The following CARNMT1 variants were observed in gnomAD, a reference collection of about 807,000 sequenced individuals.
CARNMT1 encodes the protein carnosine N-methyltransferase 1.
In CARNMT1, 28 loss-of-function variants were observed where a neutral mutation model predicts 49.6. The ratio of observed to expected loss-of-function variants is 0.56; its 90% CI spans 0.42 to 0.77. The LOEUF is 0.77. Among genes scored for constraint, CARNMT1 ranks in the 30% least tolerant of loss-of-function variants. CARNMT1 has a pLI of 0.00. For missense variants in CARNMT1, 421 were observed against 512.6 expected (o/e 0.82, Z 1.73); for synonymous variants, 178 against 175.0 (o/e 1.02, Z -0.13).
chr9:75,002,853 G>A (rs1418601210), intron 3 of CARNMT1, among the ~76,000 whole-genome samples: 1 of 152,098 alleles, frequency 6.6e-6, no homozygotes, highest in African/African-American at 2.4e-5. Flanking sequence ...CGATCCTCCT[G>A]CCTCAGCCTC....
At chr9:75,005,873 C>CAA (rs1554756709) in intron 3 of CARNMT1, among the ~76,000 whole-genome samples, 1 of 132,330 alleles carries the variant, frequency 7.6e-6, no homozygotes, top group South Asian at 2.4e-4. Context: ...CACACACACA[C>CAA]AATAAAAGGC....
intron 2 of CARNMT1, 59 bp downstream of exon 2, chr9:75,017,194 A>C: frequency 7.8e-7 from 1 of 1,290,114 alleles, no homozygotes; most frequent in Non-Finnish European, 1.1e-6. Context: ...AAAATAAAAG[A>C]CCTCAAAATA....
At chr9:75,007,851 A>G (rs1481238752) in intron 3 of CARNMT1, among the ~76,000 whole-genome samples, 1 of 152,056 alleles carries the variant, frequency 6.6e-6, no homozygotes, top group Non-Finnish European at 1.5e-5. Context: ...CTAAGAACAG[A>G]AACAAGGAAA....
intron 3 of CARNMT1, among the ~76,000 whole-genome samples, chr9:75,004,710 A>G (rs964756520): frequency 9.9e-5 from 15 of 152,228 alleles, no homozygotes; most frequent in African/African-American, 2.9e-4. Context: ...GCTTCGTTAA[A>G]GCTCAGAGTA....
At chr9:75,018,954 G>C (rs1031498820) in intron 1 of CARNMT1, among the ~76,000 whole-genome samples, 2 of 140,058 alleles carry the variant, frequency 1.4e-5, no homozygotes, top group African/African-American at 5.4e-5. Context: ...GCGACAGAGT[G>C]AGACTCCATC....
At chr9:75,011,852 A>G (rs936702446) in intron 3 of CARNMT1, among the ~76,000 whole-genome samples, 1 of 152,176 alleles carries the variant, frequency 6.6e-6, no homozygotes, top group African/African-American at 2.4e-5. Context: ...GCCACAGTGA[A>G]AACAATTCTG....
chr9:75,020,267 C>CTTTTT (rs200444980), intron 1 of CARNMT1, among the ~76,000 whole-genome samples: 1 of 124,296 alleles, frequency 8.0e-6, no homozygotes. Flanking sequence ...CATTTTTCTT[C>CTTTTT]TTTTTTTTTT....
At chr9:75,004,135 A>G (rs894951143) in intron 3 of CARNMT1, among the ~76,000 whole-genome samples, 1 of 152,346 alleles carries the variant, frequency 6.6e-6, no homozygotes, top group Non-Finnish European at 1.5e-5. Flanking sequence ...TCAGCCTCCC[A>G]AAGTGTTGGG....
At chr9:75,024,643 T>C (rs185454040) in intron 1 of CARNMT1, among the ~76,000 whole-genome samples, 1 of 152,326 alleles carries the variant, frequency 6.6e-6, no homozygotes, top group East Asian at 1.9e-4. Flanking sequence ...ATCACAAAAT[T>C]GAAACCCATT....
chr9:74,984,869 G>T, intron 7 of CARNMT1, 38 bp downstream of exon 7: 1 of 1,325,238 alleles, frequency 7.5e-7, no homozygotes, highest in Non-Finnish European at 1.1e-6. Flanking sequence ...GAGGTGCTTT[G>T]GGAGTTAAAC....
intron 3 of CARNMT1, among the ~76,000 whole-genome samples, chr9:75,007,530 A>G (rs1833545936): frequency 6.6e-6 from 1 of 152,020 alleles, no homozygotes; most frequent in South Asian, 2.1e-4. Flanking sequence ...AGAGTTTGAG[A>G]TCAGCCTGAC....
Position 74,983,222 on chromosome 9 carries a change from G to A in CARNMT1, c.*545C>T, listed in dbSNP as rs1832731475. 1 of 151,056 alleles carries A rather than the reference G, an allele frequency of 6.6e-6. No individual in the cohort carries two copies. The highest frequency in any genetic ancestry group is 2.1e-4 in the South Asian group (1 of 4,748). 9.4% of individuals were successfully genotyped at this position (151,056 alleles called of 1,614,324 possible). On this transcript the variant is annotated 3_prime_UTR_variant, in exon 8 of 8. Coordinates refer to ENST00000376834, the MANE Select transcript of CARNMT1 (RefSeq NM_152420.3). ...TGATCGTGCCACTGCACTCCGGCCTGGGAGACAGAGCGGGATCCTGTCTCT... is the reference window on the plus strand; with the variant it reads ...TGATCGTGCCACTGCACTCCGGCCTAGGAGACAGAGCGGGATCCTGTCTCT...
At chr9:75,017,169 A>T (rs1833878617) in intron 2 of CARNMT1, 84 bp downstream of exon 2, 5 of 1,064,856 alleles carry the variant, frequency 4.7e-6, no homozygotes, top group Non-Finnish European at 6.9e-6. Context: ...GCCAGATTAT[A>T]AAAATGAAAT....
In CARNMT1 at chr9:74,998,651, C is replaced by A. The variant is rs775074592; in HGVS notation, c.857G>T (p.Gly286Val). The A allele has an allele frequency of 3.7e-6, 6 of 1,603,534 alleles. No homozygotes were observed. The East Asian group carries it at 1.1e-4, about 30-fold the overall frequency. ...PDVDPHSLPP[G>V]SNFSMTAGDF... ...TCCTGCTGTCATAGAAAAGTTAGAA[C>A]CAGGAGGAAGACTGTGGGGGTCAAC... is the stretch of plus-strand genomic sequence containing the variant. The change falls in exon 5 of 8, where the codon GGT becomes GTT. Residue 286 changes from glycine to valine, a missense_variant. Gly to Val is a moderately radical substitution (Grantham distance 109). This residue lies in a region of CARNMT1 where 235 missense variants were observed against 344.8 expected (regional missense o/e 0.68). Transcript: ENST00000376834.
rs1832939393 is a variant in CARNMT1 at position 74,989,098 on chromosome 9, T to C, written c.1025-4088A>G. Among the ~76,000 whole-genome samples, 9 of 152,190 alleles carry C rather than the reference T, an allele frequency of 5.9e-5. No homozygotes were observed. In the South Asian group the frequency reaches 1.7e-3, roughly 28 times the overall value. On this transcript the variant is annotated intron_variant, in intron 6 of 7. Transcript: ENST00000376834. Reference sequence around the variant, plus strand: ...CATTTTTTTCTGTATATAGGTTGTTTACATTTATTCTTTTTTTCATTTTTT... The same window carrying C: ...CATTTTTTTCTGTATATAGGTTGTTCACATTTATTCTTTTTTTCATTTTTT...
intron 1 of CARNMT1, chr9:75,027,196 T>C (rs1382261544): frequency 2.5e-6 from 3 of 1,185,422 alleles, no homozygotes; most frequent in Non-Finnish European, 2.3e-6. Flanking sequence ...CTTGGAATTA[T>C]AATTTTGTGA....
Position 75,016,397 on chromosome 9 carries a change from T to C in CARNMT1, c.461A>G (p.Asp154Gly). ...NGKIMPASTF[D>G]MDKLKSTLKQ... is the part of the protein sequence containing the mutation. Reference sequence around the variant, plus strand: ...CAGCGTGGATTTTAACTTATCCATGTCAAATGTAGATGCTGGCATAATCTT... The same window carrying C: ...CAGCGTGGATTTTAACTTATCCATGCCAAATGTAGATGCTGGCATAATCTT... Residue 154 changes from aspartate (D) to glycine (G), a missense_variant, in exon 3 of 8, where the codon GAC becomes GGC. Asp to Gly is a moderately conservative substitution (Grantham distance 94). Around this residue, in one of 2 missense-constraint regions of CARNMT1, gnomAD observed 235 missense variants for 344.8 expected, o/e 0.68. Coordinates refer to ENST00000376834, the MANE Select transcript of CARNMT1 (RefSeq NM_152420.3). 6.2e-7 allele frequency: 1 copy of C among 1,614,052 alleles called. No homozygotes were observed. The highest frequency in any genetic ancestry group is 1.3e-5 in the African/African-American group (1 of 75,040).
intron 6 of CARNMT1, among the ~76,000 whole-genome samples, chr9:74,994,564 C>A (rs772520666): frequency 4.6e-5 from 7 of 151,662 alleles, no homozygotes; most frequent in Non-Finnish European, 1.0e-4. Context: ...GATGTTTGGA[C>A]CAGAGATACA....
chr9:74,987,496 A>C (rs1457798493), intron 6 of CARNMT1, among the ~76,000 whole-genome samples: 1 of 152,214 alleles, frequency 6.6e-6, no homozygotes, highest in Non-Finnish European at 1.5e-5. Flanking sequence ...GATGAATCTC[A>C]AAAGTGTTAT....
Sources: allele counts gnomAD v4.1 joint callset (sites outside exome capture counted in the v4.1 genomes callset), GRCh38; gene constraint gnomAD v4.1.1; regional missense constraint gnomAD v4.1.1; transcripts MANE v1.5; gene names NCBI Gene and HGNC (gene_info 2026-07-23, HGNC 2026-07-21).